COL11A1: variants seen among roughly 807,000 people sequenced by gnomAD.
COL11A1 encodes the protein collagen type XI alpha 1 chain, also known as collagen alpha-1(XI) chain.
Under a neutral mutation model 265.2 loss-of-function variants are expected in COL11A1, and 74 were observed. The ratio of observed to expected loss-of-function variants is 0.28; its 90% CI spans 0.23 to 0.34. COL11A1 has a LOEUF of 0.34. Ranked by LOEUF, COL11A1 falls within the 10% of genes least tolerant of loss-of-function variation. The pLI is 1.00. For synonymous variants in COL11A1, 816 were observed against 727.6 expected (o/e 1.12, Z -1.96); for missense variants, 2,165 against 2,263.6 (o/e 0.96, Z 0.88).
At chr1:102,997,762 T>C (rs1223113961) in intron 25 of COL11A1, among the ~76,000 whole-genome samples, 1 of 151,970 alleles carries the variant, frequency 6.6e-6, no homozygotes. Context: ...GATTACATAA[T>C]TTCATTGTTT....
intron 1 of COL11A1, 98 bp downstream of exon 1, chr1:103,107,975 T>C (rs544952814): frequency 4.8e-5 from 41 of 846,764 alleles, no homozygotes; most frequent in African/African-American, 8.6e-5. Flanking sequence ...TTTTTTTTTT[T>C]CTTGAAGAGC....
intron 1 of COL11A1, among the ~76,000 whole-genome samples, chr1:103,097,698 A>G (rs922580916): frequency 1.3e-5 from 2 of 152,008 alleles, no homozygotes; most frequent in Admixed American, 6.6e-5. Flanking sequence ...CGAACGTGGC[A>G]ATGAAATGAA....
chr1:102,898,853 A>C (rs1676497), intron 55 of COL11A1, 80 bp from the exon 56 acceptor site: 2 of 1,378,018 alleles, frequency 1.5e-6, no homozygotes, highest in African/African-American at 2.9e-5. Context: ...TGAAAAAAGT[A>C]GATCAGTTTA....
At chr1:103,025,033 A>G (rs1264861681) in intron 7 of COL11A1, among the ~76,000 whole-genome samples, 1 of 152,186 alleles carries the variant, frequency 6.6e-6, no homozygotes, top group East Asian at 1.9e-4. Context: ...TACATTCCTA[A>G]CAAGTTTGAA....
intron 1 of COL11A1, among the ~76,000 whole-genome samples, chr1:103,103,744 T>G: frequency 2.2e-5 from 1 of 44,716 alleles, no homozygotes; most frequent in African/African-American, 3.0e-5. Flanking sequence ...TAATAGTTGT[T>G]GATTGCACAA....
At chr1:103,021,176 G>T (rs1012542573) in intron 9 of COL11A1, among the ~76,000 whole-genome samples, 2 of 150,878 alleles carry the variant, frequency 1.3e-5, no homozygotes, top group African/African-American at 4.9e-5. Flanking sequence ...AATATTATTA[G>T]TAATAATATT....
chr1:103,028,653 A>G (rs893867269), intron 5 of COL11A1, among the ~76,000 whole-genome samples: 1 of 152,192 alleles, frequency 6.6e-6, no homozygotes, highest in South Asian at 2.1e-4. Context: ...GTTAGGAGAA[A>G]GGATCTTCCA....
chr1:103,037,022 TA>T (rs1397744681), intron 4 of COL11A1, among the ~76,000 whole-genome samples: 2 of 142,158 alleles, frequency 1.4e-5, no homozygotes, highest in African/African-American at 2.7e-5. Flanking sequence ...AGGATCTCAC[TA>T]TTTTTTTTAT....
intron 20 of COL11A1, 54 bp from the exon 21 acceptor site, chr1:103,003,322 A>G (rs1665306835): frequency 1.3e-6 from 2 of 1,504,982 alleles, no homozygotes; most frequent in African/African-American, 1.4e-5. Context: ...TGTCCTAATA[A>G]CATGCCTCTT....
Position 102,976,436 on chromosome 1 carries a change from T to A in COL11A1, c.2755-1553A>T, listed in dbSNP as rs185413948. Among the ~76,000 whole-genome samples, 3 of 151,778 alleles carry A rather than the reference T, an allele frequency of 2.0e-5. No homozygotes were observed. In the East Asian group the frequency reaches 5.9e-4, roughly 30 times the overall value. On this transcript the variant is annotated intron_variant, in intron 35 of 66. Coordinates refer to ENST00000370096, the MANE Select transcript of COL11A1 (RefSeq NM_001854.4). ...GCTTCAGCCTCCTGAGTAGCTGGGA[T>A]TACAGGCACCCACCACCATGCCCAG... is the stretch of plus-strand genomic sequence containing the variant.
chr1:102,915,529 G>A lies in COL11A1; in HGVS notation c.3816+102C>T, dbSNP rs577631778. On this transcript the variant is annotated intron_variant, in intron 50 of 66. Transcript: ENST00000370096. ...TTCCTTAATGAGTTGGGAAGGGAAA[G>A]TAAAATTCGAACCACAGCTAAGAGT... 17 of 1,007,292 alleles carry A rather than the reference G, an allele frequency of 1.7e-5. No individual in the cohort carries two copies. In the East Asian group the frequency reaches 3.8e-4, roughly 23 times the overall value. 62.4% of individuals were successfully genotyped at this position (1,007,292 alleles called of 1,614,324 possible).
chr1:103,008,785 A>G (rs544766432), intron 14 of COL11A1, among the ~76,000 whole-genome samples: 186 of 152,296 alleles, frequency 1.2e-3, no homozygotes, highest in Non-Finnish European at 2.3e-3. Flanking sequence ...TCACATTGAA[A>G]TTGTCTTTTG....
chr1:102,888,588 G>T lies in COL11A1; in HGVS notation c.4597C>A (p.Pro1533Thr). ...QKGDSGLPGP[P>T]GSPGPPGEVI... Reference sequence around the variant, plus strand: ...TAACATATACTTACTGGAGACCCAGGAGGCCCTGGAAGACCACTGTCACCT... The same window carrying T: ...TAACATATACTTACTGGAGACCCAGTAGGCCCTGGAAGACCACTGTCACCT... Residue 1533 changes from proline (P) to threonine (T), a missense_variant, in exon 62 of 67, where the codon CCT becomes ACT. Physicochemically the swap from Pro to Thr is conservative, Grantham distance 38 (BLOSUM62 -1). Transcript: ENST00000370096. 3 of 1,613,372 alleles carry T rather than the reference G, an allele frequency of 1.9e-6. No individual in the cohort carries two copies. The highest frequency in any genetic ancestry group is 2.5e-6 in the Non-Finnish European group (3 of 1,179,418).
intron 37 of COL11A1, among the ~76,000 whole-genome samples, chr1:102,968,079 C>T (rs1047168807): frequency 1.3e-5 from 2 of 152,154 alleles, no homozygotes; most frequent in Admixed American, 6.5e-5. Flanking sequence ...TACATTTGAT[C>T]TTGGGGATCT....
At chr1:102,913,577 C>T (rs1339945783) in intron 53 of COL11A1, 60 bp downstream of exon 53, 3 of 1,429,896 alleles carry the variant, frequency 2.1e-6, no homozygotes, top group African/African-American at 1.4e-5. Flanking sequence ...TTCTAATTAT[C>T]TCATTAAAAT....
rs201596036 is a variant in COL11A1 at position 103,083,236 on chromosome 1, G to C, written c.107-264C>G. ...ACAGAAGGGGTGTCTGTGTGTGTGT[G>C]TGTGTCTGTGTCTGTGTGTGTGTGT... On this transcript the variant is annotated intron_variant, in intron 1 of 66. Transcript: ENST00000370096. Among the ~76,000 whole-genome samples, 63 of 73,068 alleles carry C rather than the reference G, an allele frequency of 8.6e-4. No individual in the cohort carries two copies. The Admixed American group carries it at 0.01, about 12-fold the overall frequency. 47.9% of individuals were successfully genotyped at this position (73,068 alleles called of 152,430 possible). A position where few individuals can be genotyped will look rare whatever the true frequency, so the allele number is the denominator to read the frequency against.
chr1:102,919,645 G>A (rs1336271896), intron 49 of COL11A1, among the ~76,000 whole-genome samples: 2 of 151,760 alleles, frequency 1.3e-5, no homozygotes, highest in Non-Finnish European at 2.9e-5. Flanking sequence ...ATTAAGAAGT[G>A]AGCATGAATG....
In COL11A1 at chr1:102,925,524, T is replaced by C. The variant is rs530900788; in HGVS notation, c.3601-2135A>G. On this transcript the variant is annotated intron_variant, in intron 46 of 66. Coordinates refer to ENST00000370096, the MANE Select transcript of COL11A1 (RefSeq NM_001854.4). ...ACCAGAATTTCATTTTTTTCTCAAA[T>C]GTCAGTAAGATGTCTAAGAAAAGAG... Among the ~76,000 whole-genome samples, 17 of 152,198 alleles carry C rather than the reference T, an allele frequency of 1.1e-4. No individual in the cohort carries two copies. The East Asian group carries it at 3.3e-3, about 29-fold the overall frequency.
At chr1:103,060,116 A>G (rs1670556194) in intron 4 of COL11A1, among the ~76,000 whole-genome samples, 1 of 152,142 alleles carries the variant, frequency 6.6e-6, no homozygotes, top group African/African-American at 2.4e-5. Flanking sequence ...CCAGAGGGGA[A>G]AAAAACCAAC....
Sources: gnomAD v4.1 joint callset for allele counts (sites outside exome capture counted in the v4.1 genomes callset) on GRCh38, gnomAD v4.1.1 for gene constraint, MANE v1.5 for transcripts, NCBI Gene and HGNC (gene_info 2026-07-23, HGNC 2026-07-21) for gene names.